The following CAP2 variants were observed in gnomAD, a reference collection of about 807,000 sequenced individuals.
CAP2 encodes the protein cyclase associated actin cytoskeleton regulatory protein 2.
A neutral mutation model predicts 57.7 loss-of-function variants in CAP2; 24 were observed. The observed-to-expected ratio is 0.42, with a 90% CI of 0.30 to 0.58. CAP2 has a LOEUF of 0.58. Ranked by LOEUF, CAP2 falls within the 20% of genes least tolerant of loss-of-function variation. The probability of loss-of-function intolerance (pLI) is 0.22; values close to 1 mark genes in which losing one functional copy is unlikely to be tolerated. For missense variants in CAP2, 501 were observed against 590.3 expected (o/e 0.85, Z 1.57); for synonymous variants, 194 against 207.2 (o/e 0.94, Z 0.55).
intron 5 of CAP2, 30 bp from the exon 6 acceptor site, chr6:17,507,611 T>C: frequency 7.6e-7 from 1 of 1,320,108 alleles, no homozygotes. Flanking sequence ...TTTTTCCTTC[T>C]ATGCTTGGGT....
At chr6:17,425,122 TG>T (rs1413354936) in intron 2 of CAP2, among the ~76,000 whole-genome samples, 1 of 152,162 alleles carries the variant, frequency 6.6e-6, no homozygotes, top group African/African-American at 2.4e-5. Flanking sequence ...AATGGGTAAT[TG>T]GGAAAAAGAG....
At chr6:17,487,680 A>G (rs1202782666) in intron 4 of CAP2, among the ~76,000 whole-genome samples, 2 of 152,228 alleles carry the variant, frequency 1.3e-5, no homozygotes, top group African/African-American at 4.8e-5. Flanking sequence ...CATGTTGGCC[A>G]GGCTGGTCTC....
At chr6:17,416,445 G>A (rs1477327275) in intron 1 of CAP2, among the ~76,000 whole-genome samples, 1 of 152,144 alleles carries the variant, frequency 6.6e-6, no homozygotes, top group Non-Finnish European at 1.5e-5. Flanking sequence ...TGGCTCAGAT[G>A]CAAATAGTCA....
At chr6:17,491,618 T>C (rs1422158490) in intron 4 of CAP2, among the ~76,000 whole-genome samples, 1 of 152,164 alleles carries the variant, frequency 6.6e-6, no homozygotes, top group African/African-American at 2.4e-5. Context: ...AACCCAGATG[T>C]TTCCTGTTCC....
At chr6:17,431,560 T>C (rs1425184418) in intron 3 of CAP2, among the ~76,000 whole-genome samples, 1 of 152,198 alleles carries the variant, frequency 6.6e-6, no homozygotes, top group Non-Finnish European at 1.5e-5. Flanking sequence ...TCCTAGTCTT[T>C]ACCATTTATT....
intron 4 of CAP2, among the ~76,000 whole-genome samples, chr6:17,493,891 C>G (rs891351971): frequency 1.3e-5 from 2 of 152,072 alleles, no homozygotes; most frequent in African/African-American, 4.8e-5. Context: ...AATCGGAATT[C>G]CTGGTCTTTG....
intron 7 of CAP2, among the ~76,000 whole-genome samples, chr6:17,538,392 G>A (rs1379555268): frequency 2.0e-5 from 3 of 151,918 alleles, no homozygotes; most frequent in Non-Finnish European, 4.4e-5. Flanking sequence ...GGAGTTTGGG[G>A]CTGCAGTGAG....
chr6:17,543,209 G>A (rs985536705), intron 11 of CAP2, 66 bp downstream of exon 11: 4 of 1,346,562 alleles, frequency 3.0e-6, no homozygotes, highest in Admixed American at 1.7e-5. Context: ...GTAATAAGCA[G>A]AGCCTTTCCA....
In CAP2 at chr6:17,542,418, G is replaced by A. The variant is rs146358901; in HGVS notation, c.1003-419G>A. ...GCTTCCCTAAAGATGAAGGACCAAAGTCCCTGGAGAGTTGTCATCGCCTTG... is the reference window on the plus strand; with the variant it reads ...GCTTCCCTAAAGATGAAGGACCAAAATCCCTGGAGAGTTGTCATCGCCTTG... On this transcript the variant is annotated intron_variant, in intron 9 of 12. Transcript: ENST00000229922. Among the ~76,000 whole-genome samples, 4 of 152,168 alleles carry A rather than the reference G, an allele frequency of 2.6e-5. No individual in the cohort carries two copies. In the East Asian group the frequency reaches 7.7e-4, roughly 29 times the overall value.
At chr6:17,520,033 T>C (rs1762354818) in intron 7 of CAP2, among the ~76,000 whole-genome samples, 1 of 152,226 alleles carries the variant, frequency 6.6e-6, no homozygotes, top group Admixed American at 6.5e-5. Flanking sequence ...AGAATAAAAC[T>C]GCACATGGAT....
intron 6 of CAP2, among the ~76,000 whole-genome samples, chr6:17,511,897 C>T (rs1020949011): frequency 7.2e-5 from 11 of 152,156 alleles, no homozygotes; most frequent in African/African-American, 2.4e-5. Context: ...AGGTTTGCAG[C>T]TCCTAATGTG....
intron 4 of CAP2, among the ~76,000 whole-genome samples, chr6:17,470,212 C>T (rs1760983362): frequency 1.3e-5 from 2 of 152,084 alleles, no homozygotes; most frequent in South Asian, 2.1e-4. Flanking sequence ...CTTGGTAATC[C>T]ACTGACCCAC....
At chr6:17,464,995 A>G (rs1051154834) in intron 4 of CAP2, among the ~76,000 whole-genome samples, 1 of 152,140 alleles carries the variant, frequency 6.6e-6, no homozygotes, top group African/African-American at 2.4e-5. Context: ...ATGGCTTTGC[A>G]GGCCTTAGAC....
chr6:17,465,973 T>A (rs1417273175), intron 4 of CAP2, among the ~76,000 whole-genome samples: 2 of 152,146 alleles, frequency 1.3e-5, no homozygotes, highest in African/African-American at 4.8e-5. Flanking sequence ...GATTCCTTAG[T>A]TGCAGACTCT....
chr6:17,470,172 T>A (rs906582156), intron 4 of CAP2, among the ~76,000 whole-genome samples: 1 of 152,238 alleles, frequency 6.6e-6, no homozygotes, highest in African/African-American at 2.4e-5. Flanking sequence ...GAATCTTCTA[T>A]CTTTTTCTCG....
intron 12 of CAP2, among the ~76,000 whole-genome samples, chr6:17,554,753 C>T (rs1204353747): frequency 6.6e-6 from 1 of 152,210 alleles, no homozygotes; most frequent in African/African-American, 2.4e-5. Flanking sequence ...GAAGACAGGT[C>T]CAAGGCCTCC....
At chr6:17,461,480 G>T (rs767213771) in intron 3 of CAP2, among the ~76,000 whole-genome samples, 32 of 151,698 alleles carry the variant, frequency 2.1e-4, no homozygotes, top group South Asian at 4.2e-4. Context: ...ACCCACTTTG[G>T]CCTCCCAAAG....
At chr6:17,540,654 T>C (rs1276032733) in intron 8 of CAP2, among the ~76,000 whole-genome samples, 3 of 152,092 alleles carry the variant, frequency 2.0e-5, no homozygotes, top group Non-Finnish European at 4.4e-5. Flanking sequence ...CTTGGGAGGC[T>C]GAGGCAGGAG....
At chr6:17,443,610 C>T (rs1760157311) in intron 3 of CAP2, among the ~76,000 whole-genome samples, 1 of 151,476 alleles carries the variant, frequency 6.6e-6, no homozygotes, top group South Asian at 2.1e-4. Flanking sequence ...CACGTGCACT[C>T]CCTCCACTCA....
Sources: gnomAD v4.1 joint callset for allele counts (sites outside exome capture counted in the v4.1 genomes callset) on GRCh38, gnomAD v4.1.1 for gene constraint, MANE v1.5 for transcripts, NCBI Gene and HGNC (gene_info 2026-07-23, HGNC 2026-07-21) for gene names.